Variants in EPHA4 observed in about 807,000 individuals in gnomAD.
EPHA4 encodes ephrin type-A receptor 4.
A neutral mutation model predicts 108.3 loss-of-function variants in EPHA4; 19 were observed. The ratio of observed to expected loss-of-function variants is 0.18; its 90% CI spans 0.12 to 0.26. EPHA4 has a LOEUF of 0.26. Among genes scored for constraint, EPHA4 ranks in the 10% least tolerant of loss-of-function variants. The pLI is 1.00. For synonymous variants in EPHA4, 449 were observed against 455.5 expected, an observed-to-expected ratio of 0.99 and a Z score of 0.18; for missense variants, 917 against 1,254.0, an observed-to-expected ratio of 0.73 and a Z score of 4.06.
chr2:221,455,439 C>T (rs1386655152), intron 8 of EPHA4, 108 bp downstream of exon 8: 3 of 832,814 alleles, frequency 3.6e-6, no homozygotes, highest in East Asian at 5.3e-5. Context: ...GATGCAGATG[C>T]CAAGTTTATG....
intron 17 of EPHA4, among the ~76,000 whole-genome samples, chr2:221,422,491 TA>T (rs1243817940): frequency 6.6e-6 from 1 of 152,226 alleles, no homozygotes; most frequent in Non-Finnish European, 1.5e-5. Context: ...AGATATTACA[TA>T]AATATATTTG....
intron 5 of EPHA4, among the ~76,000 whole-genome samples, chr2:221,472,177 T>C (rs752862688): frequency 6.6e-6 from 1 of 152,066 alleles, no homozygotes; most frequent in African/African-American, 2.4e-5. Flanking sequence ...AGCTTTCTGC[T>C]GGTTACATAT....
rs186138256 is a variant in EPHA4, at chr2:221,436,074, T to C, written c.2346+325A>G. ...TGTAAACTGATCCTTAATGCTTGCT[T>C]CTCAGCTCATTTTTATTTAAGACAC... On this transcript the variant is annotated intron_variant, in intron 13 of 17. Transcript: ENST00000281821. Among the ~76,000 whole-genome samples the C allele has an allele frequency of 9.9e-5, 15 of 152,216 alleles. No individual in the cohort carries two copies. The East Asian group carries it at 2.9e-3, about 29-fold the overall frequency.
At chr2:221,510,296 GAAGT>G (rs1340358701) in intron 3 of EPHA4, among the ~76,000 whole-genome samples, 2 of 152,176 alleles carry the variant, frequency 1.3e-5, no homozygotes, top group Non-Finnish European at 2.9e-5. Flanking sequence ...GACAAGATTG[GAAGT>G]ATGTAAAAAT....
At chr2:221,421,223 C>A (rs1030638524) in intron 17 of EPHA4, among the ~76,000 whole-genome samples, 1 of 151,900 alleles carries the variant, frequency 6.6e-6, no homozygotes, top group Admixed American at 6.6e-5. Flanking sequence ...TGGCGTGAAC[C>A]TGGGAGGCGG....
intron 3 of EPHA4, among the ~76,000 whole-genome samples, chr2:221,549,388 C>CA (rs1209190010): frequency 6.6e-6 from 1 of 152,150 alleles, no homozygotes; most frequent in Non-Finnish European, 1.5e-5. Flanking sequence ...GATGTGTCTC[C>CA]AAACAGTTAT....
At chr2:221,438,390 A>G (rs2106101126) in intron 11 of EPHA4, among the ~76,000 whole-genome samples, 1 of 152,126 alleles carries the variant, frequency 6.6e-6, no homozygotes, top group South Asian at 2.1e-4. Flanking sequence ...GGGAATCATG[A>G]GGTGTTTTTT....
chr2:221,566,271 A>G (rs191672962), intron 2 of EPHA4, among the ~76,000 whole-genome samples: 65 of 152,264 alleles, frequency 4.3e-4, no homozygotes, highest in African/African-American at 1.5e-3. Flanking sequence ...AATAAATGTC[A>G]TTATCAGACC....
At chr2:221,543,984 G>A (rs1693910390) in intron 3 of EPHA4, among the ~76,000 whole-genome samples, 3 of 152,072 alleles carry the variant, frequency 2.0e-5, no homozygotes, top group South Asian at 4.2e-4. Flanking sequence ...ATGAGGGCTC[G>A]ATTTCTGGCT....
chr2:221,482,504 T>C lies in EPHA4; in HGVS notation c.1166A>G (p.Gln389Arg). 6.2e-7 allele frequency: 1 copy of C among 1,614,126 alleles called. No individual in the cohort carries two copies. The stretch of plus-strand genomic sequence containing the variant: ...TTTGGTGGTCTTCAAGCCATTCTGC[T>C]GTGGGGTGTAGTGGACCCCACTTCC... ...PCGSGVHYTP[Q>R]QNGLKTTKVS... The change falls in exon 5 of 18, where the codon CAG (glutamine) becomes CGG (arginine). Residue 389 changes from glutamine to arginine, a missense_variant. By Grantham distance (43) the Gln-to-Arg change is conservative. This residue lies in a region of EPHA4 where 758 missense variants were observed against 1,076.7 expected (regional missense o/e 0.70). Coordinates refer to ENST00000281821, the MANE Select transcript of EPHA4 (RefSeq NM_004438.5).
At chr2:221,566,931 G>A (rs1559297265) in intron 2 of EPHA4, among the ~76,000 whole-genome samples, 2 of 68,726 alleles carry the variant, frequency 2.9e-5, no homozygotes, top group South Asian at 4.4e-4. Context: ...AGAAGGAGAA[G>A]GAGAAGGAGA....
Position 221,551,696 on chromosome 2 carries a change from T to C in EPHA4, c.823+12035A>G, listed in dbSNP as rs533607711. Among the ~76,000 whole-genome samples the C allele has an allele frequency of 2.6e-5, 4 of 152,296 alleles. No individual in the cohort carries two copies. The South Asian group carries it at 8.3e-4, about 32-fold the overall frequency. On this transcript the variant is annotated intron_variant, in intron 3 of 17. Transcript: ENST00000281821. ...GGTACTTGGGCTTATTTTAGTTAAG[T>C]ACACTAGCCATTCTTTATCCTATGG...
intron 3 of EPHA4, among the ~76,000 whole-genome samples, chr2:221,524,051 A>G (rs912893868): frequency 2.0e-5 from 3 of 152,206 alleles, no homozygotes; most frequent in Admixed American, 6.5e-5. Context: ...GAAGGAGAGG[A>G]AAAAAATGAC....
intron 3 of EPHA4, among the ~76,000 whole-genome samples, chr2:221,549,584 T>C (rs998863918): frequency 3.3e-5 from 5 of 152,230 alleles, no homozygotes; most frequent in African/African-American, 9.6e-5. Flanking sequence ...AGAATTCTCA[T>C]TGGCAGCCAG....
At chr2:221,545,620 C>T (rs1326184248) in intron 3 of EPHA4, among the ~76,000 whole-genome samples, 1 of 152,124 alleles carries the variant, frequency 6.6e-6, no homozygotes, top group Non-Finnish European at 1.5e-5. Context: ...TAAAAATTAC[C>T]TCCTCCTCAA....
chr2:221,553,037 C>T (rs958046397), intron 3 of EPHA4, among the ~76,000 whole-genome samples: 1 of 152,046 alleles, frequency 6.6e-6, no homozygotes. Context: ...CATCATGAGG[C>T]TAGACAAGAA....
chr2:221,500,720 A>G (rs910787657), intron 4 of EPHA4, among the ~76,000 whole-genome samples: 1 of 152,198 alleles, frequency 6.6e-6, no homozygotes, highest in African/African-American at 2.4e-5. Context: ...TGCAATGGCA[A>G]AGCCACTAAT....
Position 221,482,597 on chromosome 2 carries a change from T to C in EPHA4, c.1073A>G (p.Gln358Arg). The C allele has an allele frequency of 3.1e-6, 5 of 1,614,080 alleles. No individual in the cohort carries two copies. Among genetic ancestry groups the C allele is most frequent in the Non-Finnish European group, 4.2e-6 (5 of 1,179,954 alleles). Residue 358 changes from glutamine to arginine, a missense_variant, in exon 5 of 18, where the codon CAG becomes CGG. Gln to Arg is a conservative substitution (Grantham distance 43). Transcript: ENST00000281821. ...WSSPQNTGGR[Q>R]DISYNVVCKK... ...GCATACCACATTATAGGAAATGTCC[T>C]GGCGGCCACCTGTATTCTGAGGGCT...
intron 8 of EPHA4, among the ~76,000 whole-genome samples, chr2:221,454,587 G>A (rs374007135): frequency 3.3e-5 from 5 of 152,294 alleles, no homozygotes; most frequent in African/African-American, 1.2e-4. Flanking sequence ...GCCCCATCTT[G>A]TGAAACAGTT....
Sources: gnomAD v4.1 joint callset for allele counts (sites outside exome capture counted in the v4.1 genomes callset) on GRCh38, gnomAD v4.1.1 for gene constraint, gnomAD v4.1.1 regional missense constraint, MANE v1.5 for transcripts, NCBI Gene and HGNC (gene_info 2026-07-23, HGNC 2026-07-21) for gene names.